MNAT1: variants seen among roughly 807,000 people sequenced by gnomAD.
MNAT1 encodes the protein MNAT1 component of CDK activating kinase.
Under a neutral mutation model 42.0 loss-of-function variants are expected in MNAT1, and 43 were observed. That is an observed-to-expected ratio of 1.02 (90% CI 0.80 to 1.32). The LOEUF is 1.32. Among genes scored for constraint, MNAT1 ranks in the 40% most tolerant of loss-of-function variants. MNAT1 has a pLI of 0.00. For missense variants in MNAT1, 306 were observed against 350.4 expected (o/e 0.87, Z 1.01); for synonymous variants, 118 against 120.0 (o/e 0.98, Z 0.11).
chr14:60,830,037 A>T (rs1157446529), intron 6 of MNAT1, among the ~76,000 whole-genome samples: 1 of 152,228 alleles, frequency 6.6e-6, no homozygotes, highest in Non-Finnish European at 1.5e-5. Flanking sequence ...CAGTCTCTGA[A>T]CATTAACTCA....
intron 1 of MNAT1, among the ~76,000 whole-genome samples, chr14:60,786,089 A>G (rs1440288576): frequency 6.6e-6 from 1 of 152,054 alleles, no homozygotes; most frequent in East Asian, 1.9e-4. Flanking sequence ...ATAATTAAGA[A>G]AAATTGAATA....
intron 3 of MNAT1, chr14:60,799,227 A>G (rs888101631): frequency 2.0e-6 from 2 of 985,036 alleles, no homozygotes; most frequent in Non-Finnish European, 2.4e-6. Flanking sequence ...TCCATTCTGC[A>G]TGTACTCATT....
intron 1 of MNAT1, among the ~76,000 whole-genome samples, chr14:60,795,670 A>G (rs764482148): frequency 6.6e-6 from 1 of 152,200 alleles, no homozygotes; most frequent in South Asian, 2.1e-4. Context: ...TGGAGCGCTC[A>G]AAGTTCTTTA....
At chr14:60,962,831 G>A (rs1334039815) in intron 7 of MNAT1, among the ~76,000 whole-genome samples, 3 of 152,168 alleles carry the variant, frequency 2.0e-5, no homozygotes, top group Non-Finnish European at 4.4e-5. Flanking sequence ...CTTTCCAAGT[G>A]TATTGATGTA....
At chr14:60,903,865 G>GTTTTT (rs35825181) in intron 7 of MNAT1, among the ~76,000 whole-genome samples, 48 of 115,714 alleles carry the variant, frequency 4.1e-4, no homozygotes, top group East Asian at 5.3e-4. Flanking sequence ...ACCCATGTAA[G>GTTTTT]TTTTTTTTTT....
At chr14:60,825,903 G>A (rs901703950) in intron 6 of MNAT1, among the ~76,000 whole-genome samples, 4 of 151,964 alleles carry the variant, frequency 2.6e-5, no homozygotes, top group Non-Finnish European at 2.9e-5. Context: ...AAATGAAGTC[G>A]GATGTGCTCA....
intron 5 of MNAT1, among the ~76,000 whole-genome samples, chr14:60,815,782 A>T (rs951189617): frequency 6.6e-6 from 1 of 152,184 alleles, no homozygotes; most frequent in Non-Finnish European, 1.5e-5. Context: ...AATTTACTGT[A>T]TTCATTAGTG....
intron 7 of MNAT1, among the ~76,000 whole-genome samples, chr14:60,936,098 C>T (rs1025474895): frequency 4.6e-5 from 7 of 152,254 alleles, no homozygotes; most frequent in African/African-American, 1.7e-4. Flanking sequence ...GGCTCCACCC[C>T]GTTCCCCCAG....
rs4151384 is a variant in MNAT1, at chr14:60,945,846, C to A, written c.810-22383C>A. Among the ~76,000 whole-genome samples, 773 of 152,226 alleles carry A rather than the reference C, an allele frequency of 5.1e-3. 14 individuals carry two copies. Among genetic ancestry groups the A allele is most frequent in the African/African-American group, 0.017 (726 of 41,528 alleles). On this transcript the variant is annotated intron_variant, in intron 7 of 7. Transcript: ENST00000261245. ...TCTCTCACATCCCACAGTGGCTTTC[C>A]CACATCATCAGTTTCCTAAATCTCC...
chr14:60,898,553 A>T (rs1404164976), intron 7 of MNAT1, among the ~76,000 whole-genome samples: 1 of 151,998 alleles, frequency 6.6e-6, no homozygotes, highest in Non-Finnish European at 1.5e-5. Flanking sequence ...TGGCATTTGT[A>T]TGTCTTCTTT....
At chr14:60,799,275 T>C (rs1281465120) in intron 3 of MNAT1, 1 of 985,284 alleles carries the variant, frequency 1.0e-6, no homozygotes, top group African/African-American at 1.7e-5. Context: ...TGAGTGACTA[T>C]GGATTTTAGC....
intron 7 of MNAT1, among the ~76,000 whole-genome samples, chr14:60,967,488 G>A (rs906560123): frequency 1.3e-5 from 2 of 152,004 alleles, no homozygotes; most frequent in Non-Finnish European, 2.9e-5. Flanking sequence ...CCCTTCTTTG[G>A]CTAGATTGTC....
At chr14:60,893,854 T>C (rs1047152985) in intron 7 of MNAT1, among the ~76,000 whole-genome samples, 1 of 152,164 alleles carries the variant, frequency 6.6e-6, no homozygotes, top group Non-Finnish European at 1.5e-5. Context: ...ATAAGTCTTA[T>C]GGTGGGAAGA....
chr14:60,867,559 T>C (rs1223027279), intron 6 of MNAT1, among the ~76,000 whole-genome samples: 1 of 152,158 alleles, frequency 6.6e-6, no homozygotes, highest in Non-Finnish European at 1.5e-5. Flanking sequence ...TGCATTTTTT[T>C]CTACTGGCTG....
intron 1 of MNAT1, among the ~76,000 whole-genome samples, chr14:60,779,545 T>A (rs193161562): frequency 8.5e-5 from 13 of 152,254 alleles, no homozygotes; most frequent in Admixed American, 8.5e-4. Flanking sequence ...TCCCACCATT[T>A]TGGGAGGCCG....
intron 1 of MNAT1, among the ~76,000 whole-genome samples, chr14:60,760,784 G>A (rs1474104453): frequency 6.6e-6 from 1 of 152,198 alleles, no homozygotes; most frequent in African/African-American, 2.4e-5. Context: ...TTGTCTGGTA[G>A]AAAGTACATT....
Position 60,808,367 on chromosome 14 carries a change from A to G in MNAT1, c.359A>G (p.Lys120Arg). 2 of 1,587,646 alleles carry G rather than the reference A, an allele frequency of 1.3e-6. No individual in the cohort carries two copies. The highest frequency in any genetic ancestry group is 1.7e-6 in the Non-Finnish European group (2 of 1,170,570). The change falls in exon 4 of 8, where the codon AAG (lysine) becomes AGG (arginine). Residue 120 changes from lysine (K) to arginine (R), a missense_variant. Transcript: ENST00000261245. Reference protein sequence around the residue: ...TNNVDLDNTKKKMEIYQKENK... With the variant: ...TNNVDLDNTKRKMEIYQKENK... ...AATGTGGATTTGGACAACACCAAAA[A>G]GAAAATGGAGATATACCAAAAGGAA...
chr14:60,891,995 T>A (rs2034855445), intron 7 of MNAT1, among the ~76,000 whole-genome samples: 1 of 152,166 alleles, frequency 6.6e-6, no homozygotes, highest in South Asian at 2.1e-4. Flanking sequence ...CTCATCCTGT[T>A]ATGATTGGGG....
chr14:60,794,660 A>AAAATAT (rs1555375163), intron 1 of MNAT1, among the ~76,000 whole-genome samples: 7 of 28,634 alleles, frequency 2.4e-4, no homozygotes, highest in African/African-American at 1.0e-3. Context: ...AAAAAAAAAA[A>AAAATAT]ATATATATAT....
Sources: gnomAD v4.1 joint callset for allele counts (sites outside exome capture counted in the v4.1 genomes callset) on GRCh38, gnomAD v4.1.1 for gene constraint, MANE v1.5 for transcripts, NCBI Gene and HGNC (gene_info 2026-07-23, HGNC 2026-07-21) for gene names.